Variants in DUSP22 observed in about 807,000 individuals in gnomAD.
The protein encoded by DUSP22 is dual specificity phosphatase 22.
DUSP22 carries 24 observed loss-of-function variants against 24.5 expected under a neutral mutation model. The observed-to-expected ratio is 0.98, with a 90% CI of 0.71 to 1.38. The LOEUF (loss-of-function observed/expected upper bound fraction) is 1.38, where lower values mean the gene tolerates loss of function less well. Among genes scored for constraint, DUSP22 ranks in the 40% most tolerant of loss-of-function variants. The pLI is 0.00. For missense variants in DUSP22, 330 were observed against 269.2 expected (o/e 1.23, Z -1.58); for synonymous variants, 160 against 106.4 (o/e 1.50, Z -3.10).
chr6:298,209 G>T (rs1757428728), intron 1 of DUSP22, among the ~76,000 whole-genome samples: 1 of 152,306 alleles, frequency 6.6e-6, no homozygotes, highest in South Asian at 2.1e-4. Context: ...GCCCAGGAGA[G>T]TATTCTCATA....
chr6:303,901 G>A (rs1757698991), intron 1 of DUSP22, among the ~76,000 whole-genome samples: 1 of 152,424 alleles, frequency 6.6e-6, no homozygotes. Flanking sequence ...ACAGATTCTG[G>A]AGTTCTGATG....
chr6:298,026 G>A (rs961290505), intron 1 of DUSP22, among the ~76,000 whole-genome samples: 1 of 152,308 alleles, frequency 6.6e-6, no homozygotes, highest in Non-Finnish European at 1.5e-5. Context: ...GGAGCCTCCT[G>A]CAGGAAATGA....
chr6:304,531 GC>G, intron 1 of DUSP22, 96 bp from the exon 2 acceptor site: 11 of 1,564,658 alleles, frequency 7.0e-6, no homozygotes, highest in Non-Finnish European at 9.7e-6. Flanking sequence ...GAAGCACCTG[GC>G]CTTTGCAGGG....
At chr6:295,069 G>A (rs963049731) in intron 1 of DUSP22, among the ~76,000 whole-genome samples, 5 of 151,780 alleles carry the variant, frequency 3.3e-5, no homozygotes, top group Non-Finnish European at 7.4e-5. Flanking sequence ...CTTGGAACGA[G>A]GCTTCATCTG....
chr6:346,803 T>C (rs1759902202), intron 5 of DUSP22, among the ~76,000 whole-genome samples: 2 of 152,302 alleles, frequency 1.3e-5, no homozygotes, highest in South Asian at 2.1e-4. Context: ...TCCTGGGGAA[T>C]ATTGCTGCTG....
intron 3 of DUSP22, among the ~76,000 whole-genome samples, chr6:317,554 G>A (rs1208850323): frequency 2.0e-5 from 3 of 152,296 alleles, no homozygotes; most frequent in Admixed American, 1.3e-4. Context: ...TCAGGACTTC[G>A]GCCCCTTTTC....
chr6:330,495 G>C (rs1759093402), intron 3 of DUSP22, among the ~76,000 whole-genome samples: 1 of 152,308 alleles, frequency 6.6e-6, no homozygotes, highest in Admixed American at 6.5e-5. Flanking sequence ...AAACAAGCGA[G>C]AGTTTGATCT....
chr6:323,232 G>A (rs561624668), intron 3 of DUSP22, among the ~76,000 whole-genome samples: 517 of 99,744 alleles, frequency 5.2e-3, no homozygotes, highest in Admixed American at 0.048. Context: ...TTTTAAAGGC[G>A]TGTGTGCATG....
At chr6:299,194 C>A (rs1186043614) in intron 1 of DUSP22, among the ~76,000 whole-genome samples, 4 of 152,290 alleles carry the variant, frequency 2.6e-5, no homozygotes, top group Admixed American at 2.6e-4. Flanking sequence ...GTAATGATTT[C>A]ATTTTCTCTC....
At position 335,006 on chromosome 6, in the gene DUSP22, C is replaced by T; in HGVS notation, c.139-108C>T. ...AACAAAAGATGAGTGAAAAACTTCT[C>T]CTTTTTATTTTTTTATTTTTTGACC... On this transcript the variant is annotated intron_variant, in intron 3 of 6. Transcript: ENST00000419235. 4 of 1,297,992 alleles carry T rather than the reference C, an allele frequency of 3.1e-6. No homozygotes were observed. The South Asian group carries it at 4.2e-5, about 14-fold the overall frequency. 80.4% of individuals were successfully genotyped at this position (1,297,992 alleles called of 1,614,324 possible). A position where few individuals can be genotyped will look rare whatever the true frequency, so the allele number is the denominator to read the frequency against.
intron 1 of DUSP22, among the ~76,000 whole-genome samples, chr6:295,815 A>G: frequency 6.6e-6 from 1 of 152,224 alleles, no homozygotes; most frequent in East Asian, 1.9e-4. Context: ...AAAAAAAAAA[A>G]AAACCCAACA....
In DUSP22 at chr6:319,199, G is replaced by C. The variant is rs1182372265; in HGVS notation, c.138+7237G>C. Among the ~76,000 whole-genome samples, 3 of 152,294 alleles carry C rather than the reference G, an allele frequency of 2.0e-5. No homozygotes were observed. The East Asian group carries it at 5.8e-4, about 29-fold the overall frequency. ...TAAGATCATGTCCAAGTATCTATTC[G>C]AGTGAAGACAGTGGGAGAAAGAAGG... On this transcript the variant is annotated intron_variant, in intron 3 of 6. Transcript: ENST00000419235.
chr6:309,476 A>G (rs1757967033), intron 2 of DUSP22, among the ~76,000 whole-genome samples: 1 of 152,308 alleles, frequency 6.6e-6, no homozygotes, highest in Non-Finnish European at 1.5e-5. Context: ...GGTTGGAGCA[A>G]TGAAAAGAGT....
chr6:327,484 C>CT (rs1356368635), intron 3 of DUSP22, among the ~76,000 whole-genome samples: 1 of 152,308 alleles, frequency 6.6e-6, no homozygotes, highest in African/African-American at 2.4e-5. Context: ...TCATGCATTC[C>CT]TTTCTTCATT....
In DUSP22 at chr6:348,191, G is replaced by C. The variant is rs758237999; in HGVS notation, c.352G>C (p.Val118Leu). 6.2e-7 allele frequency: 1 copy of C among 1,614,302 alleles called. No individual in the cohort carries two copies. Among genetic ancestry groups the C allele is most frequent in the Non-Finnish European group, 8.5e-7 (1 of 1,180,058 alleles). Residue 118 changes from valine to leucine, a missense_variant, in exon 6 of 7, where the codon GTG becomes CTG. Coordinates refer to ENST00000419235, the MANE Select transcript of DUSP22 (RefSeq NM_001286555.3). ...TGGCTGGGAGGATGCCCTGCACACC[G>C]TGCGTGCTGGGAGATCCTGTGCCAA... ...DFGWEDALHT[V>L]RAGRSCANPN... is the part of the protein sequence containing the mutation.
At chr6:347,993 A>G in intron 5 of DUSP22, 110 bp from the exon 6 acceptor site, 1 of 1,498,018 alleles carries the variant, frequency 6.7e-7, no homozygotes, top group South Asian at 1.3e-5. Context: ...AATCCAAGGC[A>G]GGAAGACTTT....
intron 3 of DUSP22, among the ~76,000 whole-genome samples, chr6:315,325 C>T (rs1051931652): frequency 4.6e-5 from 7 of 152,302 alleles, no homozygotes; most frequent in Non-Finnish European, 7.3e-5. Context: ...CCCAGCTAAA[C>T]AGGGTCTAGA....
chr6:332,707 T>A (rs1299337440), intron 3 of DUSP22, among the ~76,000 whole-genome samples: 1 of 151,464 alleles, frequency 6.6e-6, no homozygotes, highest in Non-Finnish European at 1.5e-5. Context: ...TCTGCTGGAA[T>A]AAAGTGGCTG....
chr6:299,412 T>A (rs1193552745), intron 1 of DUSP22, among the ~76,000 whole-genome samples: 1 of 152,302 alleles, frequency 6.6e-6, no homozygotes, highest in Non-Finnish European at 1.5e-5. Flanking sequence ...GGGTCAAAAT[T>A]TTTGGGTTTC....
Sources: gnomAD v4.1 joint callset for allele counts (sites outside exome capture counted in the v4.1 genomes callset) on GRCh38, gnomAD v4.1.1 for gene constraint, MANE v1.5 for transcripts, NCBI Gene and HGNC (gene_info 2026-07-23, HGNC 2026-07-21) for gene names.